SBNO1: variants seen among roughly 807,000 people sequenced by gnomAD.
The protein encoded by SBNO1 is strawberry notch homolog 1.
SBNO1 carries 23 observed loss-of-function variants against 173.6 expected under a neutral mutation model. The observed-to-expected ratio is 0.13, with a 90% confidence interval of 0.10 to 0.19. The LOEUF (loss-of-function observed/expected upper bound fraction) is 0.19, where lower values mean the gene tolerates loss of function less well. SBNO1 is among the 10% of genes least tolerant of loss of function. The pLI is 1.00. For missense variants in SBNO1, 1,238 were observed against 1,671.2 expected (o/e 0.74, Z 4.52); for synonymous variants, 632 against 571.5 (o/e 1.11, Z -1.51).
At chr12:123,307,296 TA>T (rs2048943502) in intron 28 of SBNO1, among the ~76,000 whole-genome samples, 1 of 151,786 alleles carries the variant, frequency 6.6e-6, no homozygotes, top group Non-Finnish European at 1.5e-5. Flanking sequence ...GCCTGTGGAA[TA>T]AATCTAGCTT....
At chr12:123,363,430 G>A (rs906650721) in intron 1 of SBNO1, among the ~76,000 whole-genome samples, 1 of 152,134 alleles carries the variant, frequency 6.6e-6, no homozygotes, top group African/African-American at 2.4e-5. Context: ...ATTCCTGCTA[G>A]GGCACTCCGG....
At chr12:123,320,358 G>A (rs1869811960) in intron 19 of SBNO1, 74 bp downstream of exon 19, 1 of 1,299,546 alleles carries the variant, frequency 7.7e-7, no homozygotes, top group African/African-American at 1.5e-5. Context: ...ATTATGTGAA[G>A]ACAGTCAAAA....
At chr12:123,321,254 G>A (rs1450393584) in intron 17 of SBNO1, among the ~76,000 whole-genome samples, 1 of 152,032 alleles carries the variant, frequency 6.6e-6, no homozygotes, top group Non-Finnish European at 1.5e-5. Flanking sequence ...TTTTTATATT[G>A]TTAACTGATA....
intron 2 of SBNO1, 96 bp from the exon 3 acceptor site, chr12:123,348,229 A>G: frequency 1.6e-6 from 1 of 625,298 alleles, no homozygotes; most frequent in Non-Finnish European, 2.9e-6. Flanking sequence ...ATCAAGTTTA[A>G]CATTCAAACT....
chr12:123,302,513 G>T (rs917491512), intron 30 of SBNO1, among the ~76,000 whole-genome samples: 4 of 151,756 alleles, frequency 2.6e-5, no homozygotes, highest in African/African-American at 4.8e-5. Context: ...CAAAGTGCTG[G>T]GATTACAGGC....
At chr12:123,301,431 A>G (rs922116807) in intron 30 of SBNO1, among the ~76,000 whole-genome samples, 1 of 152,348 alleles carries the variant, frequency 6.6e-6, no homozygotes, top group East Asian at 1.9e-4. Context: ...AGAACAGCCC[A>G]AACAATCAAA....
In SBNO1 at chr12:123,350,343, A is replaced by G; in HGVS notation, c.99T>C (p.Leu33=). 6.2e-7 allele frequency: 1 copy of G among 1,614,128 alleles called. No homozygotes were observed. The highest frequency in any genetic ancestry group is 8.5e-7 in the Non-Finnish European group (1 of 1,179,984). ...LFDIDGGDAG[L]ATPMPTPSVQ... ...CTGACGGGGTAGGCATTGGAGTTGC[A>G]AGCCCTGCATCTCCACCATCAATAT... The change falls in exon 2 of 32, where the codon CTT becomes CTC. Residue 33 remains leucine, a synonymous_variant. Transcript: ENST00000602398.
chr12:123,350,490 A>G lies in SBNO1; in HGVS notation c.1-49T>C, dbSNP rs778454925. The G allele has an allele frequency of 1.2e-5, 16 of 1,391,036 alleles. No homozygotes were observed. In the Middle Eastern group the frequency reaches 5.3e-4, roughly 46 times the overall value. The allele number at this position is 1,391,036 out of a possible 1,614,324, so 86.2% of individuals were successfully genotyped here. Reference sequence around the variant, plus strand: ...TAACATAAAAAACAAAAAGTGACAAATATTAACTCCCCTCTAAATATAAAC... The same window carrying G: ...TAACATAAAAAACAAAAAGTGACAAGTATTAACTCCCCTCTAAATATAAAC... On this transcript the variant is annotated intron_variant, in intron 1 of 31. Coordinates refer to ENST00000602398, the MANE Select transcript of SBNO1 (RefSeq NM_001167856.3).
At chr12:123,322,929 C>T (rs1157860757) in intron 16 of SBNO1, among the ~76,000 whole-genome samples, 1 of 151,624 alleles carries the variant, frequency 6.6e-6, no homozygotes, top group African/African-American at 2.4e-5. Context: ...AAGAAAACTA[C>T]TGAAACACCC....
In SBNO1 at chr12:123,296,571, T is replaced by G. The variant is rs541536082; in HGVS notation, c.4040-521A>C. On this transcript the variant is annotated intron_variant, in intron 31 of 31. Coordinates refer to ENST00000602398, the MANE Select transcript of SBNO1 (RefSeq NM_001167856.3). ...TATATATGTGTTTTTTTTTTTGTTT[T>G]TTTTTTCTGAGATGGAGTATTGCTC... 7.2e-5 allele frequency among the ~76,000 whole-genome samples: 11 copies of G among 151,994 alleles called. No homozygotes were observed. In the South Asian group the frequency reaches 1.5e-3, roughly 20 times the overall value.
At chr12:123,301,514 G>GT (rs1173904472) in intron 30 of SBNO1, among the ~76,000 whole-genome samples, 6 of 152,124 alleles carry the variant, frequency 3.9e-5, no homozygotes, top group Non-Finnish European at 7.3e-5. Context: ...GCCAGATACT[G>GT]TAAGAGCATT....
intron 17 of SBNO1, 82 bp downstream of exon 17, chr12:123,321,453 C>A (rs1446822691): frequency 1.0e-6 from 1 of 996,308 alleles, no homozygotes; most frequent in Non-Finnish European, 1.6e-6. Context: ...TTGTACTGTA[C>A]AGAAGAAAAG....
Position 123,291,114 on chromosome 12 carries a change from C to G in SBNO1, c.*4794G>C, listed in dbSNP as rs996482745. 2 of 152,292 alleles carry G rather than the reference C, an allele frequency of 1.3e-5. No homozygotes were observed. The highest frequency in any genetic ancestry group is 3.9e-4 in the East Asian group (2 of 5,192). The allele number at this position is 152,292 out of a possible 1,614,324, so 9.4% of individuals were successfully genotyped here. A position where few individuals can be genotyped will look rare whatever the true frequency, so the allele number is the denominator to read the frequency against. ...CCTGCCTCCTGCCTGCTATAAATATCCTCAACAGGTTATAAACAGCAGCAG... is the reference window on the plus strand; with the variant it reads ...CCTGCCTCCTGCCTGCTATAAATATGCTCAACAGGTTATAAACAGCAGCAG... On this transcript the variant is annotated 3_prime_UTR_variant, in exon 32 of 32. Coordinates refer to ENST00000602398, the MANE Select transcript of SBNO1 (RefSeq NM_001167856.3).
At position 123,315,372 on chromosome 12, in the gene SBNO1, CCTT is replaced by C; in HGVS notation, c.3118_3120del (p.Lys1040del). 6.2e-7 allele frequency: 1 copy of C among 1,604,766 alleles called. No homozygotes were observed. Among genetic ancestry groups the C allele is most frequent in the Non-Finnish European group, 8.5e-7 (1 of 1,171,906 alleles). ...CAGAGATACTGAAAATTGAAATGTA[CCTT>C]ATTATCAAAGTTGAACCTGCTCAGA... On this transcript the variant is annotated inframe_deletion and splice_region_variant, in exon 23 of 32. Transcript: ENST00000602398.
chr12:123,313,378 CTCT>C (rs1404440704), intron 24 of SBNO1, among the ~76,000 whole-genome samples: 4 of 151,892 alleles, frequency 2.6e-5, no homozygotes, highest in Non-Finnish European at 5.9e-5. Context: ...TCTATTAAAT[CTCT>C]TATTAGACAA....
rs1204300113 is a variant in SBNO1, at chr12:123,289,378, G to GT, written c.*6529dup. 6.6e-6 allele frequency: 1 copy of GT among 152,256 alleles called. No individual in the cohort carries two copies. The highest frequency in any genetic ancestry group is 2.4e-5 in the African/African-American group (1 of 41,478). The allele number at this position is 152,256 out of a possible 1,614,324, so 9.4% of individuals were successfully genotyped here. ...ACGAAAGGCTGGATGCAGCAATGCA[G>GT]TATCATTGGAACAGGGCGCACCCTT... On this transcript the variant is annotated 3_prime_UTR_variant, in exon 32 of 32. Transcript: ENST00000602398.
rs2048560043 is a variant in SBNO1 at position 123,294,634 on chromosome 12, C to CAAAAAATAAAAAAAAA, written c.*1273_*1274insTTTTTTTTTATTTTTT. On this transcript the variant is annotated 3_prime_UTR_variant, in exon 32 of 32. Transcript: ENST00000602398. ...TTTTCAATAGTGCAACCTGTGGAAGCAAAAAAAAAAAAAAAAAAAAAAAAA... is the reference window on the plus strand; with the variant it reads ...TTTTCAATAGTGCAACCTGTGGAAGCAAAAAATAAAAAAAAAAAAAAAAAAAAAAAAAAAAAAAAAA... 1 of 59,958 alleles carries CAAAAAATAAAAAAAAA rather than the reference C, an allele frequency of 1.7e-5. No individual in the cohort carries two copies. Among genetic ancestry groups the CAAAAAATAAAAAAAAA allele is most frequent in the African/African-American group, 8.2e-5 (1 of 12,268 alleles). The allele number at this position is 59,958 out of a possible 1,614,324, so 3.7% of individuals were successfully genotyped here.
intron 28 of SBNO1, among the ~76,000 whole-genome samples, chr12:123,307,834 G>A (rs1033328070): frequency 6.6e-6 from 1 of 152,208 alleles, no homozygotes; most frequent in African/African-American, 2.4e-5. Context: ...CACTTTGGGA[G>A]GCCAAGGCAG....
At chr12:123,311,589 C>T (rs571548291) in intron 24 of SBNO1, among the ~76,000 whole-genome samples, 2 of 151,302 alleles carry the variant, frequency 1.3e-5, no homozygotes, top group African/African-American at 2.4e-5. Context: ...TCCTAACCTC[C>T]GGAGATCCAC....
Sources: allele counts gnomAD v4.1 joint callset (sites outside exome capture counted in the v4.1 genomes callset), GRCh38; gene constraint gnomAD v4.1.1; transcripts MANE v1.5; gene names NCBI Gene and HGNC (gene_info 2026-07-23, HGNC 2026-07-21).